Variants in USP53 observed in about 807,000 individuals in gnomAD.
USP53 encodes the protein ubiquitin specific peptidase 53, also known as ubiquitin carboxyl-terminal hydrolase 53.
Under a neutral mutation model 94.9 loss-of-function variants are expected in USP53, and 71 were observed. The observed-to-expected ratio is 0.75, with a 90% CI of 0.62 to 0.91. The LOEUF is 0.91. Among genes scored for constraint, USP53 ranks in the 40% least tolerant of loss-of-function variants. The pLI, the probability that USP53 is intolerant of heterozygous loss-of-function variation, is 0.00. For synonymous variants in USP53, 375 were observed against 422.7 expected, an observed-to-expected ratio of 0.89 and a Z score of 1.39; for missense variants, 1,173 against 1,281.0, an observed-to-expected ratio of 0.92 and a Z score of 1.29.
At chr4:119,246,385 C>A (rs1748243472) in intron 6 of USP53, among the ~76,000 whole-genome samples, 1 of 152,196 alleles carries the variant, frequency 6.6e-6, no homozygotes, top group Admixed American at 6.5e-5. Context: ...TGCGGCAAGA[C>A]CACGTGGAGA....
At chr4:119,286,207 T>G (rs544763641) in intron 17 of USP53, among the ~76,000 whole-genome samples, 13 of 151,762 alleles carry the variant, frequency 8.6e-5, no homozygotes, top group African/African-American at 3.1e-4. Flanking sequence ...TATTGCTGTT[T>G]AATGTTTAGG....
At chr4:119,259,018 C>T (rs557422479) in intron 9 of USP53, among the ~76,000 whole-genome samples, 11 of 152,266 alleles carry the variant, frequency 7.2e-5, no homozygotes, top group South Asian at 2.1e-4. Context: ...CAGTGGCTCA[C>T]GCCTGTAATC....
intron 18 of USP53, 64 bp from the exon 19 acceptor site, chr4:119,292,274 T>C (rs1754845341): frequency 7.0e-7 from 1 of 1,437,996 alleles, no homozygotes; most frequent in African/African-American, 1.4e-5. Flanking sequence ...CAAATGTTTA[T>C]TTTCCCCTAG....
At chr4:119,244,598 T>TG (rs1242235307) in intron 5 of USP53, among the ~76,000 whole-genome samples, 3 of 152,196 alleles carry the variant, frequency 2.0e-5, no homozygotes, top group Non-Finnish European at 4.4e-5. Context: ...AAGAACTCTA[T>TG]GAGACACAAG....
intron 17 of USP53, among the ~76,000 whole-genome samples, chr4:119,279,955 T>C (rs1283680998): frequency 2.0e-4 from 30 of 152,228 alleles, no homozygotes; most frequent in Middle Eastern, 3.2e-3. Flanking sequence ...CGCCCTGCTT[T>C]GGCTCGCACA....
At chr4:119,236,521 C>G (rs1746785575) in intron 4 of USP53, among the ~76,000 whole-genome samples, 1 of 152,214 alleles carries the variant, frequency 6.6e-6, no homozygotes, top group African/African-American at 2.4e-5. Context: ...CACAGATCTT[C>G]TTTCAGAACT....
At chr4:119,268,503 T>G in intron 14 of USP53, 83 bp downstream of exon 14, 3 of 1,331,670 alleles carry the variant, frequency 2.3e-6, no homozygotes, top group South Asian at 3.4e-5. Flanking sequence ...TTACCTAGCT[T>G]TCCTTGGCTG....
intron 17 of USP53, among the ~76,000 whole-genome samples, chr4:119,281,891 G>A (rs1753548910): frequency 6.6e-6 from 1 of 152,024 alleles, no homozygotes; most frequent in Non-Finnish European, 1.5e-5. Context: ...TCACACTGTT[G>A]TGCAACGATT....
chr4:119,218,298 T>G (rs1159790823), intron 3 of USP53: 1 of 152,254 alleles, frequency 6.6e-6, no homozygotes, highest in Admixed American at 6.5e-5. Flanking sequence ...ATTGCTGGCT[T>G]GACATAATTT....
Position 119,293,326 on chromosome 4 carries a change from T to C in USP53, c.*115T>C. 1.6e-6 allele frequency: 2 copies of C among 1,225,518 alleles called. No homozygotes were observed. The highest frequency in any genetic ancestry group is 2.2e-6 in the Non-Finnish European group (2 of 906,900). 75.9% of individuals were successfully genotyped at this position (1,225,518 alleles called of 1,614,324 possible). On this transcript the variant is annotated 3_prime_UTR_variant, in exon 19 of 19. Coordinates refer to ENST00000692078, the MANE Select transcript of USP53 (RefSeq NM_001371395.1). ...AGATAACTGGTAAAACTGACCAACT[T>C]TTACTTCTCAGAGGCCATTTAAATA...
In USP53 at chr4:119,293,791, TATG is replaced by T; in HGVS notation, c.*583_*585del. 1 of 151,912 alleles carries T rather than the reference TATG, an allele frequency of 6.6e-6. No individual in the cohort carries two copies. The highest frequency in any genetic ancestry group is 1.9e-4 in the East Asian group (1 of 5,142). 9.4% of individuals were successfully genotyped at this position (151,912 alleles called of 1,614,324 possible). Reference sequence around the variant, plus strand: ...GCTTCACCCATTTGTTTTTGACTTCTATGATAGTCACTGCATATGATCCCTTTA... The same window carrying T: ...GCTTCACCCATTTGTTTTTGACTTCTATAGTCACTGCATATGATCCCTTTA... On this transcript the variant is annotated 3_prime_UTR_variant, in exon 19 of 19. Transcript: ENST00000692078.
At chr4:119,226,143 A>G (rs757172609) in intron 3 of USP53, among the ~76,000 whole-genome samples, 1 of 152,266 alleles carries the variant, frequency 6.6e-6, no homozygotes, top group African/African-American at 2.4e-5. Flanking sequence ...AAAAGTTTCA[A>G]CAAAGTAGGA....
intron 2 of USP53, among the ~76,000 whole-genome samples, chr4:119,217,045 A>C (rs1743866090): frequency 6.6e-6 from 1 of 152,146 alleles, no homozygotes; most frequent in Non-Finnish European, 1.5e-5. Context: ...TAGATGATGA[A>C]ACTGATAGAT....
intron 7 of USP53, 139 bp downstream of exon 7, chr4:119,249,021 C>A: frequency 9.4e-7 from 1 of 1,066,108 alleles, no homozygotes; most frequent in Non-Finnish European, 1.3e-6. Context: ...ATATCTTACC[C>A]ATCCTTCAAG....
intron 6 of USP53, among the ~76,000 whole-genome samples, chr4:119,247,065 G>T (rs1167227962): frequency 6.6e-6 from 1 of 151,936 alleles, no homozygotes; most frequent in African/African-American, 2.4e-5. Flanking sequence ...GCCAAATAGG[G>T]TTATTGTTAG....
At chr4:119,249,270 G>A (rs1334818958) in intron 7 of USP53, among the ~76,000 whole-genome samples, 1 of 152,070 alleles carries the variant, frequency 6.6e-6, no homozygotes, top group Non-Finnish European at 1.5e-5. Flanking sequence ...GGGAGAGAAG[G>A]GGATTTTGGT....
chr4:119,272,868 C>A (rs1752056242), intron 16 of USP53: 1 of 152,178 alleles, frequency 6.6e-6, no homozygotes. Context: ...TCGATTAATT[C>A]TAAATACATT....
chr4:119,267,558 A>G, intron 13 of USP53, 76 bp downstream of exon 13: 1 of 1,408,174 alleles, frequency 7.1e-7, no homozygotes. Flanking sequence ...CTCTGAATAT[A>G]AAATGAATAT....
rs551177427 is a variant in USP53 at position 119,246,307 on chromosome 4, C to T, written c.237+878C>T. 2.0e-5 allele frequency among the ~76,000 whole-genome samples: 3 copies of T among 152,300 alleles called. No homozygotes were observed. The East Asian group carries it at 5.8e-4, about 29-fold the overall frequency. ...TTTAGAAAAGGTGATATAACTCTCA[C>T]CCACCTCTGTCTCTTGAGTTGCTCA... On this transcript the variant is annotated intron_variant, in intron 6 of 18. Coordinates refer to ENST00000692078, the MANE Select transcript of USP53 (RefSeq NM_001371395.1).
Sources: allele counts gnomAD v4.1 joint callset (sites outside exome capture counted in the v4.1 genomes callset), GRCh38; gene constraint gnomAD v4.1.1; transcripts MANE v1.5; gene names NCBI Gene and HGNC (gene_info 2026-07-23, HGNC 2026-07-21).